SHCBP1L: variants seen among roughly 807,000 people sequenced by gnomAD.
SHCBP1L encodes SHC binding and spindle associated 1 like.
In SHCBP1L, 67 loss-of-function variants were observed where a neutral mutation model predicts 62.5. The ratio of observed to expected loss-of-function variants is 1.07; its 90% CI spans 0.88 to 1.31. SHCBP1L has a LOEUF of 1.31. SHCBP1L is among the 40% of genes most tolerant of loss of function. The pLI is 0.00. For missense variants in SHCBP1L, 823 were observed against 809.8 expected, an observed-to-expected ratio of 1.02 and a Z score of -0.20; for synonymous variants, 284 against 289.4, an observed-to-expected ratio of 0.98 and a Z score of 0.19.
At chr1:182,903,956 T>C (rs1017761734) in intron 8 of SHCBP1L, among the ~76,000 whole-genome samples, 1 of 152,182 alleles carries the variant, frequency 6.6e-6, no homozygotes, top group Non-Finnish European at 1.5e-5. Flanking sequence ...AAGTCACCCT[T>C]ATAAAACAAA....
chr1:182,901,903 G>T (rs2101916613), intron 9 of SHCBP1L, among the ~76,000 whole-genome samples: 1 of 152,220 alleles, frequency 6.6e-6, no homozygotes, highest in East Asian at 1.9e-4. Context: ...AGCAGAGTGG[G>T]CCTCTGCAAG....
intron 6 of SHCBP1L, among the ~76,000 whole-genome samples, chr1:182,915,647 G>T (rs972881169): frequency 6.6e-6 from 1 of 151,950 alleles, no homozygotes; most frequent in African/African-American, 2.4e-5. Flanking sequence ...CATTCTTCTG[G>T]AATGCATATG....
chr1:182,952,264 A>T (rs1382036690), intron 1 of SHCBP1L, among the ~76,000 whole-genome samples: 1 of 132,978 alleles, frequency 7.5e-6, no homozygotes, highest in Non-Finnish European at 1.6e-5. Flanking sequence ...ACACACATTT[A>T]TATATATATA....
chr1:182,942,535 T>A, intron 2 of SHCBP1L: 2 of 548,032 alleles, frequency 3.6e-6, no homozygotes, highest in Non-Finnish European at 3.3e-6. Flanking sequence ...AGAGTAAAAT[T>A]CTTAAGTTGA....
intron 2 of SHCBP1L, among the ~76,000 whole-genome samples, chr1:182,946,818 T>C (rs1651582458): frequency 1.3e-5 from 2 of 152,220 alleles, no homozygotes; most frequent in Admixed American, 1.3e-4. Context: ...TAATTTCTAT[T>C]TTTCTATCTT....
chr1:182,935,125 G>C (rs924134646), intron 5 of SHCBP1L, among the ~76,000 whole-genome samples: 1 of 151,970 alleles, frequency 6.6e-6, no homozygotes, highest in African/African-American at 2.4e-5. Flanking sequence ...TCTTAAAATC[G>C]AGTAGTATGA....
chr1:182,906,082 A>C (rs1237657011), intron 6 of SHCBP1L, among the ~76,000 whole-genome samples: 1 of 151,786 alleles, frequency 6.6e-6, no homozygotes, highest in African/African-American at 2.4e-5. Flanking sequence ...TTACAGGTGC[A>C]CACCACCACG....
chr1:182,937,486 C>G (rs1037970727), intron 5 of SHCBP1L, among the ~76,000 whole-genome samples: 4 of 152,022 alleles, frequency 2.6e-5, no homozygotes, highest in African/African-American at 9.7e-5. Context: ...TGTGATATGC[C>G]TAGGTGTTGA....
chr1:182,924,935 G>A (rs199964283), intron 6 of SHCBP1L, among the ~76,000 whole-genome samples: 1,418 of 62,288 alleles, frequency 0.023, 68 homozygotes, highest in Middle Eastern at 0.096. Context: ...AGGAAGGAAG[G>A]AAGAAAGAAA....
chr1:182,929,563 C>CA (rs1650892620), intron 6 of SHCBP1L, 84 bp downstream of exon 6: 6 of 763,980 alleles, frequency 7.9e-6, no homozygotes, highest in South Asian at 2.2e-5. Context: ...AATGATTAGA[C>CA]AAGGACTCCA....
chr1:182,926,863 A>G (rs1055103871), intron 6 of SHCBP1L, among the ~76,000 whole-genome samples: 3 of 151,884 alleles, frequency 2.0e-5, no homozygotes, highest in African/African-American at 7.2e-5. Context: ...GCATATTACA[A>G]ATATAAACTC....
intron 9 of SHCBP1L, among the ~76,000 whole-genome samples, 176 bp downstream of exon 9, chr1:182,902,863 T>C (rs561059111): frequency 1.3e-5 from 2 of 152,334 alleles, no homozygotes; most frequent in East Asian, 3.9e-4. Context: ...TATTAAATTA[T>C]AAGGCTAAAC....
At chr1:182,937,642 C>A (rs1651222678) in intron 5 of SHCBP1L, among the ~76,000 whole-genome samples, 1 of 152,194 alleles carries the variant, frequency 6.6e-6, no homozygotes, top group Admixed American at 6.5e-5. Context: ...TCTGGTATTA[C>A]AATTACACAT....
chr1:182,908,428 G>A (rs973035662), intron 6 of SHCBP1L, among the ~76,000 whole-genome samples: 5 of 152,090 alleles, frequency 3.3e-5, no homozygotes, highest in Non-Finnish European at 5.9e-5. Context: ...GTGCATCCAC[G>A]CCACTGCAAA....
chr1:182,942,271 T>C lies in SHCBP1L; in HGVS notation c.556-1728A>G, dbSNP rs1651392745. On this transcript the variant is annotated intron_variant, in intron 2 of 9. Coordinates refer to ENST00000367547, the MANE Select transcript of SHCBP1L (RefSeq NM_030933.4). Reference sequence around the variant, plus strand: ...TTGTTTGCACTTTTTTGTCTGAAGATTTATCCTTCGCTGCTGCCTTTTTCG... The same window carrying C: ...TTGTTTGCACTTTTTTGTCTGAAGACTTATCCTTCGCTGCTGCCTTTTTCG... 52 of 1,313,006 alleles carry C rather than the reference T, an allele frequency of 4.0e-5. 1 individual carries two copies. The South Asian group carries it at 6.0e-4, about 15-fold the overall frequency. 81.3% of individuals were successfully genotyped at this position (1,313,006 alleles called of 1,614,324 possible). A position where few individuals can be genotyped will look rare whatever the true frequency, so the allele number is the denominator to read the frequency against.
intron 9 of SHCBP1L, among the ~76,000 whole-genome samples, chr1:182,901,464 G>GA (rs1471911170): frequency 1.3e-5 from 2 of 151,098 alleles, no homozygotes; most frequent in Non-Finnish European, 3.0e-5. Flanking sequence ...TCTCAAAAAA[G>GA]AAAAAAAAGA....
At chr1:182,906,585 C>T (rs1650019692) in intron 6 of SHCBP1L, among the ~76,000 whole-genome samples, 1 of 151,764 alleles carries the variant, frequency 6.6e-6, no homozygotes, top group South Asian at 2.1e-4. Context: ...GCGTCTGCCA[C>T]CACACCCAAC....
At chr1:182,932,729 A>G (rs1651047750) in intron 5 of SHCBP1L, among the ~76,000 whole-genome samples, 1 of 152,106 alleles carries the variant, frequency 6.6e-6, no homozygotes, top group Admixed American at 6.5e-5. Flanking sequence ...TCTTGACCTC[A>G]GGTGATCTGC....
At chr1:182,925,699 T>G (rs1481847613) in intron 6 of SHCBP1L, among the ~76,000 whole-genome samples, 1 of 152,152 alleles carries the variant, frequency 6.6e-6, no homozygotes, top group Non-Finnish European at 1.5e-5. Flanking sequence ...GTAATTCTAG[T>G]CTTTGGTATA....
Sources: allele counts gnomAD v4.1 joint callset (sites outside exome capture counted in the v4.1 genomes callset), GRCh38; gene constraint gnomAD v4.1.1; transcripts MANE v1.5; gene names NCBI Gene and HGNC (gene_info 2026-07-23, HGNC 2026-07-21).